NEDD4L: variants seen among roughly 807,000 people sequenced by gnomAD.
NEDD4L encodes E3 ubiquitin-protein ligase NEDD4-like.
In NEDD4L, 54 loss-of-function variants were observed where a neutral mutation model predicts 148.9. That is an observed-to-expected ratio of 0.36 (90% confidence interval 0.29 to 0.45). The LOEUF is 0.45. Among genes scored for constraint, NEDD4L ranks in the 20% least tolerant of loss-of-function variants. The pLI, the probability that NEDD4L is intolerant of heterozygous loss-of-function variation, is 1.00. For missense variants in NEDD4L, 856 were observed against 1,233.8 expected (o/e 0.69, Z 4.59); for synonymous variants, 433 against 440.7 (o/e 0.98, Z 0.22).
chr18:58,307,356 A>G (rs1001713063), intron 5 of NEDD4L, among the ~76,000 whole-genome samples: 1 of 152,166 alleles, frequency 6.6e-6, no homozygotes, highest in African/African-American at 2.4e-5. Context: ...TTTTTGTCCA[A>G]TAAATCCCAT....
At chr18:58,124,714 G>T (rs1172978819) in intron 1 of NEDD4L, among the ~76,000 whole-genome samples, 1 of 152,158 alleles carries the variant, frequency 6.6e-6, no homozygotes, top group African/African-American at 2.4e-5. Context: ...AACGGCACCA[G>T]CTCTTACCTG....
chr18:58,330,185 C>T (rs944959278), intron 10 of NEDD4L, among the ~76,000 whole-genome samples: 1 of 152,140 alleles, frequency 6.6e-6, no homozygotes, highest in Non-Finnish European at 1.5e-5. Context: ...TAGAATGCGG[C>T]GATTCAACTT....
At chr18:58,181,034 G>A (rs12455563) in intron 2 of NEDD4L, among the ~76,000 whole-genome samples, 31,810 of 152,212 alleles carry the variant, frequency 0.21, 3,991 homozygotes, top group East Asian at 0.42. Flanking sequence ...AGAGGACATC[G>A]TTAATTCACA....
At chr18:58,046,530 G>A (rs1328855925) in intron 1 of NEDD4L, 1 of 152,164 alleles carries the variant, frequency 6.6e-6, no homozygotes, top group African/African-American at 2.4e-5. Context: ...AAGTGCAGCT[G>A]GATAAATGAA....
rs367713506 is a variant in NEDD4L at position 58,176,730 on chromosome 18, A to G, written c.122+10869A>G. 5.3e-4 allele frequency among the ~76,000 whole-genome samples: 81 copies of G among 152,316 alleles called. 1 individual carries two copies. The South Asian group carries it at 6.2e-3, about 12-fold the overall frequency. On this transcript the variant is annotated intron_variant, in intron 2 of 30. Coordinates refer to ENST00000400345, the MANE Select transcript of NEDD4L (RefSeq NM_001144967.3). ...TTCACGTTGCCCTGACTCCTGATGC[A>G]TGGATATTTGCTGTTACCAAAGACA...
intron 2 of NEDD4L, among the ~76,000 whole-genome samples, chr18:58,204,998 A>G (rs1215528456): frequency 6.6e-6 from 1 of 152,234 alleles, no homozygotes; most frequent in Admixed American, 6.5e-5. Context: ...AGATCCAGAC[A>G]TCCAGTAGTC....
chr18:58,268,079 T>C (rs549226041), intron 5 of NEDD4L, among the ~76,000 whole-genome samples: 2 of 151,978 alleles, frequency 1.3e-5, no homozygotes, highest in Non-Finnish European at 2.9e-5. Context: ...GCCATACAAC[T>C]TTATTAACGT....
At position 58,256,099 on chromosome 18, in the gene NEDD4L, C is replaced by A; in HGVS notation, c.297+4045C>A. On this transcript the variant is annotated intron_variant, in intron 5 of 30. Coordinates refer to ENST00000400345, the MANE Select transcript of NEDD4L (RefSeq NM_001144967.3). The surrounding 1 kb of genome is among the most constrained non-coding windows in gnomAD (Gnocchi z 5.2). ...CCTCGCCGAGGGACACCCCCGGGAGCTCCCCTCCGAGGGCAGCCCGGGACC... is the reference window on the plus strand; with the variant it reads ...CCTCGCCGAGGGACACCCCCGGGAGATCCCCTCCGAGGGCAGCCCGGGACC... 1 of 1,227,558 alleles carries A rather than the reference C, an allele frequency of 8.1e-7. No homozygotes were observed. The highest frequency in any genetic ancestry group is 1.0e-6 in the Non-Finnish European group (1 of 985,336). 76.0% of individuals were successfully genotyped at this position (1,227,558 alleles called of 1,614,324 possible). A position where few individuals can be genotyped will look rare whatever the true frequency, so the allele number is the denominator to read the frequency against.
intron 1 of NEDD4L, among the ~76,000 whole-genome samples, chr18:58,121,895 G>A (rs972224710): frequency 4.7e-4 from 72 of 152,330 alleles, no homozygotes; most frequent in Admixed American, 5.2e-4. Flanking sequence ...TACCAGGTTG[G>A]TGTGAAGCCT....
intron 5 of NEDD4L, among the ~76,000 whole-genome samples, chr18:58,253,688 T>C (rs902616492): frequency 6.6e-6 from 1 of 152,194 alleles, no homozygotes; most frequent in Non-Finnish European, 1.5e-5. Context: ...AGGGTCAAAT[T>C]TGAGGAAAAA....
At position 58,391,526 on chromosome 18, in the gene NEDD4L, G is replaced by T; in HGVS notation, c.2792G>T (p.Gly931Val). ...GPQLFTIEQW[G>V]SPEKLPRAHT... ...CAGCTGTTTACAATAGAGCAATGGG[G>T]CAGTCCTGAGAAACTGCCCAGAGCT... is the stretch of plus-strand genomic sequence containing the variant. Residue 931 changes from glycine to valine, a missense_variant, in exon 30 of 31, where the codon GGC becomes GTC. By Grantham distance (109) the Gly-to-Val change is moderately radical. Coordinates refer to ENST00000400345, the MANE Select transcript of NEDD4L (RefSeq NM_001144967.3). 1.3e-6 allele frequency: 2 copies of T among 1,582,218 alleles called. No individual in the cohort carries two copies. Among genetic ancestry groups the T allele is most frequent in the Non-Finnish European group, 8.6e-7 (1 of 1,163,020 alleles).
chr18:58,097,146 A>T (rs78224087), intron 1 of NEDD4L, among the ~76,000 whole-genome samples: 266 of 152,338 alleles, frequency 1.7e-3, no homozygotes, highest in African/African-American at 6.1e-3. Flanking sequence ...TTTTGTTCGC[A>T]AGACTTATGA....
At chr18:58,293,253 G>A (rs2055034707) in intron 5 of NEDD4L, among the ~76,000 whole-genome samples, 1 of 152,156 alleles carries the variant, frequency 6.6e-6, no homozygotes, top group South Asian at 2.1e-4. Context: ...TTGTATCCAT[G>A]GACTCTTCTT....
chr18:58,248,006 T>G (rs950414898), intron 3 of NEDD4L, among the ~76,000 whole-genome samples: 3 of 152,260 alleles, frequency 2.0e-5, no homozygotes, highest in Non-Finnish European at 4.4e-5. Context: ...TTGATTTTTT[T>G]CATCTCCCTG....
At chr18:58,353,454 C>T (rs1018819249) in intron 18 of NEDD4L, among the ~76,000 whole-genome samples, 6 of 152,306 alleles carry the variant, frequency 3.9e-5, no homozygotes, top group Non-Finnish European at 8.8e-5. Flanking sequence ...ATTAAGTGAC[C>T]AAAAACCATT....
intron 2 of NEDD4L, among the ~76,000 whole-genome samples, chr18:58,202,762 TC>T (rs1737019974): frequency 6.6e-6 from 1 of 152,250 alleles, no homozygotes; most frequent in Non-Finnish European, 1.5e-5. Context: ...GCCATTTGTC[TC>T]TGATACTTCA....
chr18:58,299,696 C>G lies in NEDD4L; in HGVS notation c.298-16286C>G, dbSNP rs180690792. Among the ~76,000 whole-genome samples, 352 of 152,238 alleles carry G rather than the reference C, an allele frequency of 2.3e-3. 3 individuals are homozygous for G. Among genetic ancestry groups the G allele is most frequent in the Middle Eastern group, 0.01 (3 of 294 alleles). On this transcript the variant is annotated intron_variant, in intron 5 of 30. Transcript: ENST00000400345. ...CATAAATAGATAGGCAGTCTCCTCC[C>G]CAGTCCTGGTCCCTTTGGGAGATGA...
chr18:58,089,969 AG>A (rs1465622199), intron 1 of NEDD4L, among the ~76,000 whole-genome samples: 4 of 151,838 alleles, frequency 2.6e-5, no homozygotes, highest in Admixed American at 2.6e-4. Flanking sequence ...CCTCCTGAGT[AG>A]CTGGGATTAC....
chr18:58,177,628 A>G (rs907136485), intron 2 of NEDD4L, among the ~76,000 whole-genome samples: 1 of 152,186 alleles, frequency 6.6e-6, no homozygotes, highest in African/African-American at 2.4e-5. Context: ...GGGGCCTCCT[A>G]TGCATCTGTG....
Sources: gnomAD v4.1 joint callset for allele counts (sites outside exome capture counted in the v4.1 genomes callset) on GRCh38, gnomAD v4.1.1 for gene constraint, Gnocchi (gnomAD v3.1) non-coding constraint, MANE v1.5 for transcripts, NCBI Gene and HGNC (gene_info 2026-07-23, HGNC 2026-07-21) for gene names.